Variants in HEATR6 observed in about 807,000 individuals in gnomAD.
HEATR6 encodes the protein HEAT repeat-containing protein 6.
HEATR6 carries 106 observed loss-of-function variants against 132.8 expected under a neutral mutation model. The ratio of observed to expected loss-of-function variants is 0.80; its 90% confidence interval spans 0.68 to 0.94. The LOEUF is 0.94. HEATR6 is among the 40% of genes least tolerant of loss of function. HEATR6 has a pLI of 0.00. For synonymous variants in HEATR6, 529 were observed against 537.8 expected (o/e 0.98, Z 0.23); for missense variants, 1,339 against 1,425.1 (o/e 0.94, Z 0.97).
At position 60,069,581 on chromosome 17, in the gene HEATR6, C is replaced by T. The variant is rs188719152; in HGVS notation, c.939+130G>A. On this transcript the variant is annotated intron_variant, in intron 7 of 19. Transcript: ENST00000184956. ...ATCAGATGAGTTTAAATTTACTATGCTAACAACCCTAAACTGAAATAAAAT... is the reference window on the plus strand; with the variant it reads ...ATCAGATGAGTTTAAATTTACTATGTTAACAACCCTAAACTGAAATAAAAT... 64 of 822,928 alleles carry T rather than the reference C, an allele frequency of 7.8e-5. No individual in the cohort carries two copies. In the East Asian group the frequency reaches 1.7e-3, roughly 21 times the overall value. The allele number at this position is 822,928 out of a possible 1,614,324, so 51.0% of individuals were successfully genotyped here. A position where few individuals can be genotyped will look rare whatever the true frequency, so the allele number is the denominator to read the frequency against.
chr17:60,067,387 A>G (rs1339481644), intron 8 of HEATR6, 47 bp downstream of exon 8: 1 of 1,361,368 alleles, frequency 7.3e-7, no homozygotes, highest in African/African-American at 1.5e-5. Flanking sequence ...ATAAACTTAC[A>G]TGCAACTTAG....
chr17:60,050,797 G>A (rs756528720), intron 15 of HEATR6, 46 bp downstream of exon 15: 6 of 1,607,884 alleles, frequency 3.7e-6, no homozygotes, highest in Admixed American at 1.7e-5. Flanking sequence ...TTCTAGCTCT[G>A]GTGCTCCAGC....
intron 3 of HEATR6, 71 bp downstream of exon 3, chr17:60,073,675 C>A (rs752049914): frequency 1.4e-4 from 197 of 1,458,842 alleles, no homozygotes; most frequent in Non-Finnish European, 1.8e-4. Context: ...AGATAGAAAC[C>A]TGAACACAGT....
intron 16 of HEATR6, among the ~76,000 whole-genome samples, chr17:60,048,983 A>AATATATATATATATAAT: frequency 1.4e-5 from 1 of 69,548 alleles, no homozygotes; most frequent in South Asian, 4.8e-4. Context: ...ATATATATAT[A>AATATATATATATATAAT]ATATATATAT....
intron 7 of HEATR6, among the ~76,000 whole-genome samples, chr17:60,068,587 T>C (rs1159446764): frequency 2.7e-5 from 4 of 150,302 alleles, no homozygotes; most frequent in East Asian, 3.9e-4. Flanking sequence ...ACAAGAATCT[T>C]ATCATTCGGC....
At chr17:60,064,893 T>A (rs2083232030) in intron 9 of HEATR6, 1 of 152,234 alleles carries the variant, frequency 6.6e-6, no homozygotes, top group South Asian at 2.1e-4. Context: ...TTTGTATTCC[T>A]GTTCTAAACC....
Position 60,076,238 on chromosome 17 carries a change from C to T in HEATR6, c.220-1G>A. ...CCTGGACAAGAAGAGCACTAACGTCCTACCAAAAAAAAAAAGATAAGAGGT... is the reference window on the plus strand; with the variant it reads ...CCTGGACAAGAAGAGCACTAACGTCTTACCAAAAAAAAAAAGATAAGAGGT... On this transcript the variant is annotated splice_acceptor_variant, in intron 1 of 19. Transcript: ENST00000184956. LOFTEE classifies it high-confidence loss of function. 1.3e-6 allele frequency: 2 copies of T among 1,557,780 alleles called. No individual in the cohort carries two copies. Among genetic ancestry groups the T allele is most frequent in the Non-Finnish European group, 1.7e-6 (2 of 1,143,064 alleles).
intron 13 of HEATR6, among the ~76,000 whole-genome samples, 189 bp downstream of exon 13, chr17:60,055,926 T>C (rs1906729379): frequency 6.6e-6 from 1 of 152,036 alleles, no homozygotes; most frequent in Non-Finnish European, 1.5e-5. Flanking sequence ...ATGCGTGGGG[T>C]TTATATGTAA....
intron 18 of HEATR6, 61 bp downstream of exon 18, chr17:60,047,248 A>G (rs1598904554): frequency 1.9e-6 from 2 of 1,075,298 alleles, no homozygotes; most frequent in East Asian, 2.5e-5. Flanking sequence ...GAACTACCAC[A>G]CTGCAGCTAC....
At chr17:60,049,341 G>A (rs901684006) in intron 16 of HEATR6, among the ~76,000 whole-genome samples, 1 of 151,676 alleles carries the variant, frequency 6.6e-6, no homozygotes, top group Non-Finnish European at 1.5e-5. Context: ...AGTTGCCCAG[G>A]CTGGTCTCAA....
chr17:60,055,657 T>C (rs1393567683), intron 13 of HEATR6, 56 bp from the exon 14 acceptor site: 3 of 1,239,588 alleles, frequency 2.4e-6, no homozygotes, highest in Admixed American at 3.8e-5. Context: ...ATGACTTCAC[T>C]TGAGTAACAC....
chr17:60,069,599 A>C (rs1249359394), intron 7 of HEATR6, 112 bp downstream of exon 7: 3 of 999,284 alleles, frequency 3.0e-6, no homozygotes, highest in Admixed American at 4.7e-5. Flanking sequence ...CCTAAACTGA[A>C]ATAAAATTCA....
Position 60,057,078 on chromosome 17 carries a change from T to TTCGTAGGTGC in HEATR6, c.2039_2048dup (p.Pro684HisfsTer68), listed in dbSNP as rs1432574409. ...AGGCCTCCAGTCGCATGGGGGATGG[T>TTCGTAGGTGC]TCGTAGGTGCTTCCTGCTGCAGAGC... On this transcript the variant is annotated frameshift_variant, in exon 12 of 20. Coordinates refer to ENST00000184956, the MANE Select transcript of HEATR6 (RefSeq NM_022070.5). 1.4e-5 allele frequency: 22 copies of TTCGTAGGTGC among 1,611,672 alleles called. No individual in the cohort carries two copies. The highest frequency in any genetic ancestry group is 1.8e-5 in the Non-Finnish European group (21 of 1,178,606).
rs770524747 is a variant in HEATR6, at chr17:60,069,666, A to G, written c.939+45T>C. ...TCATAGAAAACACACACAACAATCT[A>G]TTAAAAATAAGCCACAACTTAAATC... On this transcript the variant is annotated intron_variant, in intron 7 of 19. Coordinates refer to ENST00000184956, the MANE Select transcript of HEATR6 (RefSeq NM_022070.5). The G allele has an allele frequency of 6.3e-6, 10 of 1,575,356 alleles. No homozygotes were observed. In the East Asian group the frequency reaches 2.2e-4, roughly 35 times the overall value.
At position 60,059,941 on chromosome 17, in the gene HEATR6, C is replaced by A; in HGVS notation, c.1572G>T (p.Leu524Phe). Reference sequence around the variant, plus strand: ...AGGATGACTCCGCCACCAAAGCTAACAAAAGACATCTGTGCAACTCTCTAA... The same window carrying A: ...AGGATGACTCCGCCACCAAAGCTAAAAAAAGACATCTGTGCAACTCTCTAA... ...CSIRELHRCLLLALVAESSSQ... is the reference protein window; with the variant it reads ...CSIRELHRCLFLALVAESSSQ... The change falls in exon 10 of 20, where the codon TTG becomes TTT. Residue 524 changes from leucine to phenylalanine, a missense_variant. Coordinates refer to ENST00000184956, the MANE Select transcript of HEATR6 (RefSeq NM_022070.5). 1 of 1,613,824 alleles carries A rather than the reference C, an allele frequency of 6.2e-7. No homozygotes were observed. Among genetic ancestry groups the A allele is most frequent in the Non-Finnish European group, 8.5e-7 (1 of 1,179,822 alleles).
intron 7 of HEATR6, among the ~76,000 whole-genome samples, 192 bp downstream of exon 7, chr17:60,069,519 C>G (rs1402504713): frequency 1.3e-5 from 2 of 152,122 alleles, no homozygotes; most frequent in African/African-American, 4.8e-5. Flanking sequence ...GACTACACCT[C>G]TAAGAAGTAT....
chr17:60,073,608 T>C, intron 3 of HEATR6, 138 bp downstream of exon 3: 1 of 768,842 alleles, frequency 1.3e-6, no homozygotes, highest in Non-Finnish European at 2.1e-6. Flanking sequence ...AACTATTTTA[T>C]ACATGAGGAA....
At position 60,059,458 on chromosome 17, in the gene HEATR6, C is replaced by T; in HGVS notation, c.1687G>A (p.Val563Ile). The change falls in exon 11 of 20, where the codon GTC (valine) becomes ATC (isoleucine). Residue 563 changes from valine (V) to isoleucine (I), a missense_variant. By Grantham distance (29) the Val-to-Ile change is conservative. Coordinates refer to ENST00000184956, the MANE Select transcript of HEATR6 (RefSeq NM_022070.5). The stretch of plus-strand genomic sequence containing the variant: ...ATATAAGGCTTTATCTGGTTCCAGA[C>T]TTTGGTCAGCAGGCTGAGTTTTAGA... ...DRLKLSLLTK[V>I]WNQIKPYIRH... 2 of 1,613,732 alleles carry T rather than the reference C, an allele frequency of 1.2e-6. No individual in the cohort carries two copies. Among genetic ancestry groups the T allele is most frequent in the Non-Finnish European group, 1.7e-6 (2 of 1,179,806 alleles).
rs1156822282 is a variant in HEATR6 at position 60,049,004 on chromosome 17, A to G, written c.2547+576T>C. Among the ~76,000 whole-genome samples, 15 of 132,770 alleles carry G rather than the reference A, an allele frequency of 1.1e-4. 2 individuals are homozygous for G. The highest frequency in any genetic ancestry group is 4.1e-4 in the African/African-American group (14 of 33,998). 87.1% of individuals were successfully genotyped at this position (132,770 alleles called of 152,430 possible). A position where few individuals can be genotyped will look rare whatever the true frequency, so the allele number is the denominator to read the frequency against. On this transcript the variant is annotated intron_variant, in intron 16 of 19. Coordinates refer to ENST00000184956, the MANE Select transcript of HEATR6 (RefSeq NM_022070.5). The stretch of plus-strand genomic sequence containing the variant: ...ATATAATATATATATATATATATAT[A>G]TATATATATATATATGGTAATGCCT...
Sources: allele counts gnomAD v4.1 joint callset (sites outside exome capture counted in the v4.1 genomes callset), GRCh38; gene constraint gnomAD v4.1.1; transcripts MANE v1.5; gene names NCBI Gene and HGNC (gene_info 2026-07-23, HGNC 2026-07-21).